FOLR3: variants seen among roughly 807,000 people sequenced by gnomAD.
FOLR3 encodes folate receptor gamma.
Under a neutral mutation model 20.0 loss-of-function variants are expected in FOLR3, and 9 were observed. The observed-to-expected ratio is 0.45, with a 90% confidence interval of 0.27 to 0.79. The LOEUF (loss-of-function observed/expected upper bound fraction) is 0.79. Among genes scored for constraint, FOLR3 ranks in the 30% least tolerant of loss-of-function variants. The pLI is 0.15. For missense variants in FOLR3, 309 were observed against 323.5 expected (o/e 0.96, Z 0.34); for synonymous variants, 124 against 115.5 (o/e 1.07, Z -0.47).
chr11:72,137,622 G>C (rs746927452), intron 2 of FOLR3, among the ~76,000 whole-genome samples: 4 of 152,068 alleles, frequency 2.6e-5, no homozygotes, highest in Admixed American at 6.5e-5. Flanking sequence ...CTCCTGAGTA[G>C]CTGGGATTAC....
Position 72,136,092 on chromosome 11 carries a change from C to T in FOLR3, c.140C>T (p.Pro47Leu), listed in dbSNP as rs1947738917. The T allele has an allele frequency of 8.7e-6, 14 of 1,614,072 alleles. No individual in the cohort carries two copies. The highest frequency in any genetic ancestry group is 1.2e-5 in the Non-Finnish European group (14 of 1,179,936). Residue 47 changes from proline to leucine, a missense_variant, in exon 2 of 5, where the codon CCC (proline) becomes CTC (leucine). Transcript: ENST00000611028. ...AACGCCAAGCACCACAAGACACAGC[C>T]CAGCCCCGAGGACGAGCTGTATGGC... ...CMNAKHHKTQ[P>L]SPEDELYGQC...
intron 1 of FOLR3, 41 bp downstream of exon 1, chr11:72,135,809 T>A: frequency 1.1e-6 from 1 of 910,424 alleles, no homozygotes; most frequent in Non-Finnish European, 1.7e-6. Flanking sequence ...CGCAGCGCAT[T>A]TCTTGGCTCA....
intron 2 of FOLR3, among the ~76,000 whole-genome samples, chr11:72,136,683 C>T (rs1313858811): frequency 1.3e-5 from 2 of 152,180 alleles, no homozygotes; most frequent in African/African-American, 4.8e-5. Context: ...TCTGTGCCCA[C>T]CACTTCATTT....
chr11:72,139,313 G>A (rs1947785539), intron 3 of FOLR3, 34 bp from the exon 4 acceptor site: 1 of 1,603,604 alleles, frequency 6.2e-7, no homozygotes, highest in African/African-American at 1.3e-5. Flanking sequence ...GAGATACGTG[G>A]CTGACAGGAG....
Position 72,139,821 on chromosome 11 carries a change from T to C in FOLR3, c.728T>C (p.Ile243Thr). 1.5e-5 allele frequency: 24 copies of C among 1,613,954 alleles called. No individual in the cohort carries two copies. Among genetic ancestry groups the C allele is most frequent in the Non-Finnish European group, 2.0e-5 (24 of 1,179,830 alleles). ...MNAGAPSRGI[I>T]DS Reference sequence around the variant, plus strand: ...GCTGGGGCCCCGTCTCGTGGGATTATTGATTCCTGATCCAAGAAGGGTCCT... The same window carrying C: ...GCTGGGGCCCCGTCTCGTGGGATTACTGATTCCTGATCCAAGAAGGGTCCT... The change falls in exon 5 of 5, where the codon ATT becomes ACT. Residue 243 changes from isoleucine (I) to threonine (T), a missense_variant. Physicochemically the swap from Ile to Thr is moderately conservative, Grantham distance 89 (BLOSUM62 -1). Coordinates refer to ENST00000611028, the MANE Select transcript of FOLR3 (RefSeq NM_000804.4).
chr11:72,138,777 A>G, intron 2 of FOLR3, 184 bp from the exon 3 acceptor site: 1 of 683,920 alleles, frequency 1.5e-6, no homozygotes, highest in Non-Finnish European at 2.5e-6. Flanking sequence ...GTCTCAAATA[A>G]ATAAATGAAT....
At chr11:72,137,904 C>T (rs766678935) in intron 2 of FOLR3, among the ~76,000 whole-genome samples, 8 of 152,060 alleles carry the variant, frequency 5.3e-5, no homozygotes, top group Non-Finnish European at 7.4e-5. Flanking sequence ...CTTTGTCTCC[C>T]TTCTACACAC....
chr11:72,139,878 A>G lies in FOLR3; in HGVS notation c.*47A>G, dbSNP rs776457017. On this transcript the variant is annotated 3_prime_UTR_variant, in exon 5 of 5. Coordinates refer to ENST00000611028, the MANE Select transcript of FOLR3 (RefSeq NM_000804.4). ...TTCTTCCAACAACCTATTCTAATAG[A>G]CAAATCCACATGTGTCTTGTGTCTT... 5.6e-6 allele frequency: 9 copies of G among 1,600,408 alleles called. No homozygotes were observed. The highest frequency in any genetic ancestry group is 7.7e-6 in the Non-Finnish European group (9 of 1,170,708).
At chr11:72,138,827 C>T (rs1277487084) in intron 2 of FOLR3, 134 bp from the exon 3 acceptor site, 2 of 981,326 alleles carry the variant, frequency 2.0e-6, no homozygotes. Context: ...TTGCCTCCGT[C>T]CCCAGGTGGG....
chr11:72,137,911 A>C (rs1488404170), intron 2 of FOLR3, among the ~76,000 whole-genome samples: 1 of 152,048 alleles, frequency 6.6e-6, no homozygotes, highest in African/African-American at 2.4e-5. Flanking sequence ...TCCCTTCTAC[A>C]CACAGCCCAC....
chr11:72,136,518 G>T (rs1305728097), intron 2 of FOLR3, among the ~76,000 whole-genome samples: 1 of 147,796 alleles, frequency 6.8e-6, no homozygotes, highest in Non-Finnish European at 1.5e-5. Flanking sequence ...TTAAATCGGG[G>T]TTAAAAAAAA....
chr11:72,139,543 C>T lies in FOLR3; in HGVS notation c.494-44C>T, dbSNP rs371586304. ...TGGGGCTTTGGGGTTGGGAGGGGTG[C>T]GGTCTGGCCCAGAAGCTAAGGGTCT... On this transcript the variant is annotated intron_variant, in intron 4 of 4. Transcript: ENST00000611028. 2.4e-4 allele frequency: 388 copies of T among 1,612,432 alleles called. 1 individual carries two copies. The highest frequency in any genetic ancestry group is 2.8e-4 in the Non-Finnish European group (332 of 1,178,860).
intron 2 of FOLR3, among the ~76,000 whole-genome samples, chr11:72,136,339 C>A (rs1947742291): frequency 6.6e-6 from 1 of 151,986 alleles, no homozygotes; most frequent in South Asian, 2.1e-4. Context: ...GTATTTCATT[C>A]CTCTGGTCTC....
At chr11:72,136,203 A>G in intron 2 of FOLR3, 83 bp downstream of exon 2, 1 of 1,516,090 alleles carries the variant, frequency 6.6e-7, no homozygotes, top group African/African-American at 1.4e-5. Flanking sequence ...TGTGGTCAGA[A>G]CCAAGGGTGC....
intron 2 of FOLR3, among the ~76,000 whole-genome samples, chr11:72,137,860 C>G (rs187754032): frequency 6.6e-6 from 1 of 152,202 alleles, no homozygotes; most frequent in Non-Finnish European, 1.5e-5. Context: ...GCCTCAGGGA[C>G]TTTGCACCTA....
At position 72,136,078 on chromosome 11, in the gene FOLR3, C is replaced by A; in HGVS notation, c.126C>A (p.His42Gln). 1 of 1,614,074 alleles carries A rather than the reference C, an allele frequency of 6.2e-7. No homozygotes were observed. The change falls in exon 2 of 5, where the codon CAC becomes CAA. Residue 42 changes from histidine to glutamine, a missense_variant. By Grantham distance (24) the His-to-Gln change is conservative. Coordinates refer to ENST00000611028, the MANE Select transcript of FOLR3 (RefSeq NM_000804.4). ...DLLNVCMNAK[H>Q]HKTQPSPEDE... Reference sequence around the variant, plus strand: ...TCAATGTCTGCATGAACGCCAAGCACCACAAGACACAGCCCAGCCCCGAGG... The same window carrying A: ...TCAATGTCTGCATGAACGCCAAGCAACACAAGACACAGCCCAGCCCCGAGG...
At position 72,139,652 on chromosome 11, in the gene FOLR3, G is replaced by T. The variant is rs781187377; in HGVS notation, c.559G>T (p.Ala187Ser). The change falls in exon 5 of 5, where the codon GCC becomes TCC. Residue 187 changes from alanine to serine, a missense_variant. Ala to Ser is a moderately conservative substitution (Grantham distance 99). Coordinates refer to ENST00000611028, the MANE Select transcript of FOLR3 (RefSeq NM_000804.4). Reference protein sequence around the residue: ...TFESYFPTPAALCEGLWSHSF... With the variant: ...TFESYFPTPASLCEGLWSHSF... ...TGAGTCCTACTTCCCCACTCCAGCC[G>T]CCCTTTGTGAAGGCCTCTGGAGCCA... 1 of 1,613,524 alleles carries T rather than the reference G, an allele frequency of 6.2e-7. No homozygotes were observed. Among genetic ancestry groups the T allele is most frequent in the Admixed American group, 1.7e-5 (1 of 60,028 alleles).
At chr11:72,138,676 G>A (rs1466938800) in intron 2 of FOLR3, among the ~76,000 whole-genome samples, 2 of 152,204 alleles carry the variant, frequency 1.3e-5, no homozygotes, top group Admixed American at 6.5e-5. Context: ...GGAGGCTGAG[G>A]TGGGAGGATT....
chr11:72,137,346 C>T (rs1271127688), intron 2 of FOLR3, among the ~76,000 whole-genome samples: 3 of 151,954 alleles, frequency 2.0e-5, no homozygotes, highest in Non-Finnish European at 4.4e-5. Context: ...GGCTATAGCT[C>T]CTTCGTTCTC....
Sources: gnomAD v4.1 joint callset for allele counts (sites outside exome capture counted in the v4.1 genomes callset) on GRCh38, gnomAD v4.1.1 for gene constraint, MANE v1.5 for transcripts, NCBI Gene and HGNC (gene_info 2026-07-23, HGNC 2026-07-21) for gene names.